Variants in RAPGEF4 observed in about 807,000 individuals in gnomAD.
The protein encoded by RAPGEF4 is Rap guanine nucleotide exchange factor 4, also known as RAP guanine-nucleotide-exchange factor (GEF) 4.
Under a neutral mutation model 147.9 loss-of-function variants are expected in RAPGEF4, and 66 were observed. The observed-to-expected ratio is 0.45, with a 90% CI of 0.37 to 0.55. RAPGEF4 has a LOEUF of 0.55. Ranked by LOEUF, RAPGEF4 falls within the 20% of genes least tolerant of loss-of-function variation. RAPGEF4 has a pLI of 0.00. For missense variants in RAPGEF4, 1,071 were observed against 1,257.3 expected, an observed-to-expected ratio of 0.85 and a Z score of 2.24; for synonymous variants, 419 against 442.7, an observed-to-expected ratio of 0.95 and a Z score of 0.67.
chr2:172,876,309 T>G lies in RAPGEF4; in HGVS notation c.445-41493T>G, dbSNP rs1019477287. Among the ~76,000 whole-genome samples the G allele has an allele frequency of 2.0e-5, 3 of 152,022 alleles. 1 individual carries two copies. The highest frequency in any genetic ancestry group is 4.1e-4 in the South Asian group (2 of 4,832). On this transcript the variant is annotated intron_variant, in intron 4 of 30. Coordinates refer to ENST00000397081, the MANE Select transcript of RAPGEF4 (RefSeq NM_007023.4). ...TGTTGAATAGGAGTGGTGAGAGAGG[T>G]CATCCCTGTCTTGTGCCAGTTTTCA...
chr2:172,845,283 A>T (rs932350016), intron 4 of RAPGEF4, among the ~76,000 whole-genome samples: 2 of 152,196 alleles, frequency 1.3e-5, no homozygotes, highest in African/African-American at 4.8e-5. Flanking sequence ...TAACCACATT[A>T]CAGGAGAAGT....
At chr2:172,771,380 C>T (rs569888216) in intron 1 of RAPGEF4, among the ~76,000 whole-genome samples, 99 of 150,488 alleles carry the variant, frequency 6.6e-4, no homozygotes, top group African/African-American at 2.1e-3. Flanking sequence ...AATTTGGGGG[C>T]GGGGATACAA....
intron 4 of RAPGEF4, among the ~76,000 whole-genome samples, chr2:172,879,916 C>T (rs754540388): frequency 2.7e-4 from 41 of 152,160 alleles, no homozygotes; most frequent in Non-Finnish European, 4.3e-4. Flanking sequence ...GTTCAGGAAA[C>T]CAAAGGTGGG....
chr2:173,049,144 T>A lies in RAPGEF4; in HGVS notation c.2908+490T>A, dbSNP rs545779595. 1.1e-4 allele frequency among the ~76,000 whole-genome samples: 16 copies of A among 152,364 alleles called. No individual in the cohort carries two copies. In the East Asian group the frequency reaches 1.7e-3, roughly 17 times the overall value. On this transcript the variant is annotated intron_variant, in intron 30 of 30. Transcript: ENST00000397081. ...TCGTAAAAGGTCCAAAAACAGGATTTCATATTATATTTCTAGTATTCCCAC... is the reference window on the plus strand; with the variant it reads ...TCGTAAAAGGTCCAAAAACAGGATTACATATTATATTTCTAGTATTCCCAC...
Position 172,736,021 on chromosome 2 carries a change from C to A in RAPGEF4, c.38C>A (p.Ala13Asp), listed in dbSNP as rs1313295326. 3 of 1,476,306 alleles carry A rather than the reference C, an allele frequency of 2.0e-6. No individual in the cohort carries two copies. Among genetic ancestry groups the A allele is most frequent in the Non-Finnish European group, 2.7e-6 (3 of 1,112,730 alleles). 91.5% of individuals were successfully genotyped at this position (1,476,306 alleles called of 1,614,324 possible). A position where few individuals can be genotyped will look rare whatever the true frequency, so the allele number is the denominator to read the frequency against. Residue 13 changes from alanine to aspartate, a missense_variant, in exon 1 of 31, where the codon GCC becomes GAC. Coordinates refer to ENST00000397081, the MANE Select transcript of RAPGEF4 (RefSeq NM_007023.4). Reference sequence around the variant, plus strand: ...CACGCTGCCCATTCTTCCTCCTCTGCCGAGTGGATCGCCTGCCTGGATAAA... The same window carrying A: ...CACGCTGCCCATTCTTCCTCCTCTGACGAGTGGATCGCCTGCCTGGATAAA... ...AAHAAHSSSS[A>D]EWIACLDKRP... is the part of the protein sequence containing the mutation.
At chr2:172,860,286 G>A in intron 4 of RAPGEF4, 2 of 985,416 alleles carry the variant, frequency 2.0e-6, no homozygotes, top group Non-Finnish European at 2.4e-6. Flanking sequence ...GTGGACCTGG[G>A]AGAAGTGTCT....
intron 25 of RAPGEF4, 100 bp downstream of exon 25, chr2:173,027,359 A>G: frequency 1.0e-6 from 1 of 984,494 alleles, no homozygotes; most frequent in Non-Finnish European, 1.4e-6. Flanking sequence ...GGATCTAGGA[A>G]CTGCTAGAGG....
At chr2:172,817,909 A>G (rs1170116873) in intron 4 of RAPGEF4, among the ~76,000 whole-genome samples, 9 of 147,646 alleles carry the variant, frequency 6.1e-5, no homozygotes, top group Non-Finnish European at 1.0e-4. Flanking sequence ...ACAATTATAT[A>G]TATATATAAT....
In RAPGEF4 at chr2:172,878,678, C is replaced by T. The variant is rs1168548518; in HGVS notation, c.445-39124C>T. Among the ~76,000 whole-genome samples, 3 of 152,102 alleles carry T rather than the reference C, an allele frequency of 2.0e-5. No individual in the cohort carries two copies. In the East Asian group the frequency reaches 5.8e-4, roughly 29 times the overall value. On this transcript the variant is annotated intron_variant, in intron 4 of 30. Coordinates refer to ENST00000397081, the MANE Select transcript of RAPGEF4 (RefSeq NM_007023.4). ...GATGAGAAGTCTTATATATTACATT[C>T]CCTGCTAAAGTAAAGAACTCAAAAT...
At chr2:172,912,370 G>A (rs1683527746) in intron 4 of RAPGEF4, among the ~76,000 whole-genome samples, 1 of 152,150 alleles carries the variant, frequency 6.6e-6, no homozygotes, top group Non-Finnish European at 1.5e-5. Context: ...TGGTTACTGT[G>A]ATATAGCATC....
intron 11 of RAPGEF4, among the ~76,000 whole-genome samples, chr2:172,984,053 T>G (rs1424036741): frequency 6.6e-6 from 1 of 152,190 alleles, no homozygotes; most frequent in Non-Finnish European, 1.5e-5. Context: ...TCAGCTCAGA[T>G]GTATTAGTGA....
intron 8 of RAPGEF4, 103 bp from the exon 9 acceptor site, chr2:172,965,459 A>C: frequency 7.7e-7 from 1 of 1,303,854 alleles, no homozygotes; most frequent in South Asian, 1.3e-5. Context: ...TTCTGGTAGG[A>C]GATCATTAAG....
intron 1 of RAPGEF4, among the ~76,000 whole-genome samples, chr2:172,764,961 G>T (rs1464398006): frequency 6.6e-6 from 1 of 152,132 alleles, no homozygotes; most frequent in Non-Finnish European, 1.5e-5. Context: ...CCACAAACTG[G>T]GTGGCTTAAA....
rs34723448 is a variant in RAPGEF4, at chr2:172,978,198, A to AC, written c.1005-5290dup. On this transcript the variant is annotated intron_variant, in intron 10 of 30. Coordinates refer to ENST00000397081, the MANE Select transcript of RAPGEF4 (RefSeq NM_007023.4). ...GCTTCTGTGCAGATGTAGTGGTCAC[A>AC]CCCCCCCCAGAGCTTCCCCTGGAAA... 2.5e-3 allele frequency among the ~76,000 whole-genome samples: 379 copies of AC among 149,254 alleles called. 6 individuals are homozygous for AC. The highest frequency in any genetic ancestry group is 5.9e-3 in the South Asian group (28 of 4,742).
intron 24 of RAPGEF4, 63 bp downstream of exon 24, chr2:173,026,760 C>T (rs1696703004): frequency 6.3e-7 from 1 of 1,585,432 alleles, no homozygotes; most frequent in Non-Finnish European, 8.6e-7. Flanking sequence ...GCTGGCATTG[C>T]TTAGTTTGTA....
chr2:172,809,416 C>A (rs1156872682), intron 3 of RAPGEF4, among the ~76,000 whole-genome samples: 3 of 152,180 alleles, frequency 2.0e-5, no homozygotes, highest in Non-Finnish European at 4.4e-5. Flanking sequence ...GGGTACCCAG[C>A]AGGTTATCAA....
At chr2:172,945,570 G>C (rs976222927) in intron 6 of RAPGEF4, among the ~76,000 whole-genome samples, 2 of 151,842 alleles carry the variant, frequency 1.3e-5, no homozygotes, top group Non-Finnish European at 2.9e-5. Context: ...CACATGCAGA[G>C]GACTATACAA....
At chr2:172,817,892 AT>A (rs1688663303) in intron 4 of RAPGEF4, among the ~76,000 whole-genome samples, 1 of 138,804 alleles carries the variant, frequency 7.2e-6, no homozygotes, top group Non-Finnish European at 1.6e-5. Context: ...ATATATATAT[AT>A]ATATCACAAT....
At chr2:172,863,022 T>G (rs1030360035) in intron 4 of RAPGEF4, among the ~76,000 whole-genome samples, 3 of 152,022 alleles carry the variant, frequency 2.0e-5, no homozygotes, top group Admixed American at 6.6e-5. Context: ...GGATGGTGCC[T>G]GTGGGAATGA....
Sources: gnomAD v4.1 joint callset for allele counts (sites outside exome capture counted in the v4.1 genomes callset) on GRCh38, gnomAD v4.1.1 for gene constraint, MANE v1.5 for transcripts, NCBI Gene and HGNC (gene_info 2026-07-23, HGNC 2026-07-21) for gene names.